The following ORMDL1 variants were observed in gnomAD, a reference collection of about 807,000 sequenced individuals.
The protein encoded by ORMDL1 is ORM1-like protein 1.
In ORMDL1, 10 loss-of-function variants were observed where a neutral mutation model predicts 13.0. The observed-to-expected ratio is 0.77, with a 90% CI of 0.47 to 1.30. The LOEUF (loss-of-function observed/expected upper bound fraction) is 1.30, where lower values mean the gene tolerates loss of function less well. Among genes scored for constraint, ORMDL1 ranks in the 50% most tolerant of loss-of-function variants. ORMDL1 has a pLI of 0.00. For missense variants in ORMDL1, 171 were observed against 186.7 expected (o/e 0.92, Z 0.49); for synonymous variants, 61 against 63.9 (o/e 0.95, Z 0.22).
chr2:189,765,244 A>G, the ORMDL1 span: 4 of 152,346 alleles, frequency 2.6e-5, no homozygotes, highest in East Asian at 3.9e-4. Flanking sequence ...CTTTATTAGT[A>G]TAAGGATACA....
At position 189,775,614 on chromosome 2, in the gene ORMDL1, C is replaced by T. The variant is rs2047676543; in HGVS notation, c.277G>A (p.Val93Ile). The T allele has an allele frequency of 6.2e-7, 1 of 1,613,412 alleles. No individual in the cohort carries two copies. Among genetic ancestry groups the T allele is most frequent in the Non-Finnish European group, 8.5e-7 (1 of 1,179,684 alleles). Residue 93 changes from valine (V) to isoleucine (I), a missense_variant, in exon 4 of 5, where the codon GTA becomes ATA. Transcript: ENST00000392349. ...AACTTCCGTGAAGATGTAAACTGTA[C>T]TCCATAGTCCAGTTGTTCCCAATGA... ...LTHWEQLDYGVQFTSSRKFFT... is the reference protein window; with the variant it reads ...LTHWEQLDYGIQFTSSRKFFT...
chr2:189,767,836 C>T (rs933544074), downstream of ORMDL1, among the ~76,000 whole-genome samples: 2 of 152,106 alleles, frequency 1.3e-5, no homozygotes, highest in African/African-American at 2.4e-5. Flanking sequence ...ACTTTTTTTA[C>T]TATTTTTCTA....
In ORMDL1 at chr2:189,782,430, G is replaced by T. The variant is rs1032742810; in HGVS notation, c.166C>A (p.His56Asn). 1 of 1,612,664 alleles carries T rather than the reference G, an allele frequency of 6.2e-7. No individual in the cohort carries two copies. The highest frequency in any genetic ancestry group is 8.5e-7 in the Non-Finnish European group (1 of 1,178,880). Residue 56 changes from histidine (H) to asparagine (N), a missense_variant, in exon 3 of 5, where the codon CAT (histidine) becomes AAT (asparagine). Physicochemically the swap from His to Asn is moderately conservative, Grantham distance 68 (BLOSUM62 1). Coordinates refer to ENST00000392349, the MANE Select transcript of ORMDL1 (RefSeq NM_016467.5). ...TAATGTGAAATTCTTACCAGATTATGTATAATATTTGTTAAAGTCCAAGCA... is the reference window on the plus strand; with the variant it reads ...TAATGTGAAATTCTTACCAGATTATTTATAATATTTGTTAAAGTCCAAGCA... ...PVAWTLTNII[H>N]NLGMYVFLHA...
At chr2:189,765,514 C>A (rs2047467038), downstream of ORMDL1, 1 of 152,144 alleles carries the variant, frequency 6.6e-6, no homozygotes, top group South Asian at 2.1e-4. Flanking sequence ...TACTGAGTTA[C>A]CCACCACAAA....
At chr2:189,777,960 T>C (rs888819779) in intron 3 of ORMDL1, among the ~76,000 whole-genome samples, 3 of 152,258 alleles carry the variant, frequency 2.0e-5, no homozygotes, top group Non-Finnish European at 2.9e-5. Context: ...TTTGGAGTCA[T>C]GTAATTGCAA....
chr2:189,764,383 C>T, the ORMDL1 span: 4 of 152,146 alleles, frequency 2.6e-5, no homozygotes, highest in Non-Finnish European at 4.4e-5. Flanking sequence ...ATTGTGTGTG[C>T]TATCATTGGT....
downstream of ORMDL1, among the ~76,000 whole-genome samples, chr2:189,769,593 A>G (rs2047538250): frequency 6.6e-6 from 1 of 152,196 alleles, no homozygotes; most frequent in African/African-American, 2.4e-5. Context: ...AAAGGGACAC[A>G]GCAGTCAGCT....
chr2:189,769,016 T>G (rs1224903168), downstream of ORMDL1, among the ~76,000 whole-genome samples: 1 of 152,328 alleles, frequency 6.6e-6, no homozygotes, highest in East Asian at 1.9e-4. Flanking sequence ...ATATACTGTC[T>G]TATAAGTCCT....
chr2:189,765,635 A>G (rs2047468035), downstream of ORMDL1: 1 of 152,190 alleles, frequency 6.6e-6, no homozygotes, highest in Non-Finnish European at 1.5e-5. Context: ...TCTTCCTTGT[A>G]TTGACCAAAT....
downstream of ORMDL1, among the ~76,000 whole-genome samples, chr2:189,768,853 A>G (rs1425127734): frequency 1.3e-5 from 2 of 152,238 alleles, no homozygotes; most frequent in African/African-American, 4.8e-5. Context: ...ATCTGAAACC[A>G]TATCATATGG....
chr2:189,765,839 A>ATTT (rs72132150), downstream of ORMDL1, among the ~76,000 whole-genome samples: 816 of 106,642 alleles, frequency 7.7e-3, 8 homozygotes, highest in Non-Finnish European at 0.011. Context: ...TACTTTCTCC[A>ATTT]TTTTTTTTTT....
intron 1 of ORMDL1, chr2:189,783,389 G>A (rs537150452): frequency 2.0e-5 from 3 of 152,264 alleles, no homozygotes; most frequent in East Asian, 1.9e-4. Context: ...AAATAAAACT[G>A]TCCTGAAGAA....
intron 3 of ORMDL1, 97 bp from the exon 4 acceptor site, chr2:189,775,813 G>A (rs2047683420): frequency 2.5e-6 from 3 of 1,213,552 alleles, no homozygotes. Flanking sequence ...TTGTGAGAGT[G>A]TGTGATTTAA....
In ORMDL1 at chr2:189,782,327, A is replaced by G. The variant is rs2106158656; in HGVS notation, c.174+95T>C. 3 of 1,168,490 alleles carry G rather than the reference A, an allele frequency of 2.6e-6. 1 individual carries two copies. Among genetic ancestry groups the G allele is most frequent in the Middle Eastern group, 2.1e-4 (1 of 4,860 alleles). The allele number at this position is 1,168,490 out of a possible 1,614,324, so 72.4% of individuals were successfully genotyped here. ...TTGCAAAACCAAAAACTCTGTACCC[A>G]TTAAGCAATAACTTTCCATTCCTTC... On this transcript the variant is annotated intron_variant, in intron 3 of 4. Coordinates refer to ENST00000392349, the MANE Select transcript of ORMDL1 (RefSeq NM_016467.5).
chr2:189,779,655 A>C (rs2047779545), intron 3 of ORMDL1, among the ~76,000 whole-genome samples: 1 of 152,214 alleles, frequency 6.6e-6, no homozygotes. Flanking sequence ...GACTTAGAGT[A>C]TGACTTGAGC....
At chr2:189,765,839 A>ATTTTTT (rs72132150), downstream of ORMDL1, among the ~76,000 whole-genome samples, 7 of 106,746 alleles carry the variant, frequency 6.6e-5, no homozygotes, top group South Asian at 3.0e-4. Context: ...TACTTTCTCC[A>ATTTTTT]TTTTTTTTTT....
At chr2:189,775,470 G>GC in intron 4 of ORMDL1, 95 bp downstream of exon 4, 1 of 1,331,584 alleles carries the variant, frequency 7.5e-7, no homozygotes, top group Non-Finnish European at 1.0e-6. Context: ...ATAGAAGTTT[G>GC]CAACAAAATA....
downstream of ORMDL1, among the ~76,000 whole-genome samples, chr2:189,768,196 G>A (rs1420063741): frequency 2.0e-5 from 3 of 152,026 alleles, no homozygotes; most frequent in African/African-American, 4.8e-5. Context: ...CCTTCCCTGC[G>A]CTGCACTACT....
At chr2:189,769,607 A>G (rs2047538378), downstream of ORMDL1, among the ~76,000 whole-genome samples, 1 of 152,192 alleles carries the variant, frequency 6.6e-6, no homozygotes, top group African/African-American at 2.4e-5. Flanking sequence ...GTCAGCTTGT[A>G]AGAGCTCCTA....
Sources: allele counts gnomAD v4.1 joint callset (sites outside exome capture counted in the v4.1 genomes callset), GRCh38; gene constraint gnomAD v4.1.1; transcripts MANE v1.5; gene names NCBI Gene and HGNC (gene_info 2026-07-23, HGNC 2026-07-21).